TCF7: variants seen among roughly 807,000 people sequenced by gnomAD.
The protein encoded by TCF7 is transcription factor 7, also known as T-cell-factor-7.
TCF7 carries 19 observed loss-of-function variants against 46.8 expected under a neutral mutation model. The observed-to-expected ratio is 0.41, with a 90% CI of 0.28 to 0.60. The LOEUF (loss-of-function observed/expected upper bound fraction) is 0.60. Ranked by LOEUF, TCF7 falls within the 20% of genes least tolerant of loss-of-function variation. The pLI is 0.35. For missense variants in TCF7, 547 were observed against 504.6 expected, an observed-to-expected ratio of 1.08 and a Z score of -0.81; for synonymous variants, 245 against 213.4, an observed-to-expected ratio of 1.15 and a Z score of -1.29.
intron 9 of TCF7, chr5:134,145,015 T>C (rs1052282772): frequency 9.8e-6 from 7 of 712,012 alleles, no homozygotes; most frequent in Admixed American, 8.5e-5. Context: ...CTCCTGAGAA[T>C]AGTAGTAAAT....
At chr5:134,129,731 T>C (rs372854072) in intron 3 of TCF7, among the ~76,000 whole-genome samples, 3 of 152,174 alleles carry the variant, frequency 2.0e-5, no homozygotes, top group African/African-American at 7.2e-5. Flanking sequence ...TCGGGCCGGG[T>C]TGGGCCTAGA....
intron 5 of TCF7, among the ~76,000 whole-genome samples, chr5:134,140,301 A>G (rs1402293992): frequency 6.6e-6 from 1 of 152,196 alleles, no homozygotes; most frequent in African/African-American, 2.4e-5. Flanking sequence ...AACCCAGGCA[A>G]AAAACCAGAC....
chr5:134,143,257 A>G lies in TCF7; in HGVS notation c.1026+157A>G, dbSNP rs762472991. On this transcript the variant is annotated intron_variant, in intron 8 of 9. Coordinates refer to ENST00000342854, the MANE Select transcript of TCF7 (RefSeq NM_003202.5). ...CAAGGCCTCCCATGGCTGCCTCAGA[A>G]GAGGACAAGCCCACATCCTATTCTC... is the stretch of plus-strand genomic sequence containing the variant. The G allele has an allele frequency of 6.2e-6, 5 of 801,476 alleles. No individual in the cohort carries two copies. The East Asian group carries it at 1.2e-4, about 20-fold the overall frequency. The allele number at this position is 801,476 out of a possible 1,614,324, so 49.6% of individuals were successfully genotyped here.
intron 5 of TCF7, chr5:134,140,501 GC>G: frequency 4.1e-6 from 1 of 241,992 alleles, no homozygotes; most frequent in Non-Finnish European, 8.2e-6. Flanking sequence ...GGCTGCAATG[GC>G]CCCAGGACAG....
At chr5:134,137,958 A>G (rs1759142469) in intron 3 of TCF7, 101 bp from the exon 4 acceptor site, 1 of 1,008,446 alleles carries the variant, frequency 9.9e-7, no homozygotes. Context: ...GGTTTTGGCC[A>G]CCACTTTTCT....
At chr5:134,146,106 T>G in intron 9 of TCF7, 118 bp from the exon 10 acceptor site, 1 of 1,605,156 alleles carries the variant, frequency 6.2e-7, no homozygotes, top group Non-Finnish European at 8.5e-7. Flanking sequence ...ACCACCCAAG[T>G]CCCAGGAAGA....
At position 134,146,369 on chromosome 5, in the gene TCF7, G is replaced by A; in HGVS notation, c.*66G>A. Reference sequence around the variant, plus strand: ...CCATCTGCTGCCCCGCTTCCCCACAGAACTGCTTACTAGCCCTGCGGAGCC... The same window carrying A: ...CCATCTGCTGCCCCGCTTCCCCACAAAACTGCTTACTAGCCCTGCGGAGCC... On this transcript the variant is annotated 3_prime_UTR_variant, in exon 10 of 10. Coordinates refer to ENST00000342854, the MANE Select transcript of TCF7 (RefSeq NM_003202.5). 1 of 1,587,390 alleles carries A rather than the reference G, an allele frequency of 6.3e-7. No individual in the cohort carries two copies. The highest frequency in any genetic ancestry group is 8.7e-7 in the Non-Finnish European group (1 of 1,155,666).
At chr5:134,111,632 A>C (rs1460235956), upstream of TCF7, among the ~76,000 whole-genome samples, 1 of 151,984 alleles carries the variant, frequency 6.6e-6, no homozygotes, top group African/African-American at 2.4e-5. Flanking sequence ...ACAGACCACC[A>C]AGATGATTCC....
At chr5:134,135,261 C>T (rs1758699283) in intron 3 of TCF7, among the ~76,000 whole-genome samples, 1 of 152,162 alleles carries the variant, frequency 6.6e-6, no homozygotes, top group African/African-American at 2.4e-5. Flanking sequence ...GCGCCCAGCC[C>T]ACAGAGAATT....
Position 134,135,617 on chromosome 5 carries a change from A to G in TCF7, c.442-2442A>G, listed in dbSNP as rs1315471978. On this transcript the variant is annotated intron_variant, in intron 3 of 9. Coordinates refer to ENST00000342854, the MANE Select transcript of TCF7 (RefSeq NM_003202.5). ...GGATGGAGTTACCATTAACTGGGTA[A>G]GAAGACAGGGAGGAGCGTTTGGGGC... Among the ~76,000 whole-genome samples the G allele has an allele frequency of 2.0e-5, 3 of 152,346 alleles. No individual in the cohort carries two copies. The East Asian group carries it at 5.8e-4, about 29-fold the overall frequency.
At chr5:134,129,916 C>T (rs1157366723) in intron 3 of TCF7, among the ~76,000 whole-genome samples, 1 of 152,246 alleles carries the variant, frequency 6.6e-6, no homozygotes, top group East Asian at 1.9e-4. Context: ...ACTGAAGCCT[C>T]TTGGTCCAGG....
At chr5:134,126,493 C>T (rs1757360291) in intron 3 of TCF7, among the ~76,000 whole-genome samples, 1 of 152,248 alleles carries the variant, frequency 6.6e-6, no homozygotes, top group Non-Finnish European at 1.5e-5. Context: ...GCCTGGCACA[C>T]AGTAGGTGCT....
At position 134,128,405 on chromosome 5, in the gene TCF7, C is replaced by G. The variant is rs561009510; in HGVS notation, c.442-9654C>G. Among the ~76,000 whole-genome samples the G allele has an allele frequency of 9.1e-4, 139 of 152,114 alleles. 1 individual carries two copies. The highest frequency in any genetic ancestry group is 1.7e-3 in the Non-Finnish European group (113 of 67,998). On this transcript the variant is annotated intron_variant, in intron 3 of 9. Transcript: ENST00000342854. Reference sequence around the variant, plus strand: ...GCAGCAGCACCCCAGGGCCTGGTGCCTCCAGGAGCTCCTTTCCACGCCTTG... The same window carrying G: ...GCAGCAGCACCCCAGGGCCTGGTGCGTCCAGGAGCTCCTTTCCACGCCTTG...
In TCF7 at chr5:134,138,155, C is replaced by G. The variant is rs770920272; in HGVS notation, c.538C>G (p.Gln180Glu). 1.1e-5 allele frequency: 18 copies of G among 1,613,450 alleles called. No homozygotes were observed. In the South Asian group the frequency reaches 2.0e-4, roughly 18 times the overall value. ...HPTPAPADIS[Q>E]KQVHRPLQTP... ...CACCCCTGCACCTGCGGACATCAGC[C>G]AGAAGCAAGGTACAAGCCTGGGATG... is the stretch of plus-strand genomic sequence containing the variant. The change falls in exon 4 of 10, where the codon CAG becomes GAG. Residue 180 changes from glutamine (Q) to glutamate (E), a missense_variant. Gln to Glu is a conservative substitution (Grantham distance 29). Transcript: ENST00000342854.
chr5:134,113,319 G>T (rs1468078464), upstream of TCF7, among the ~76,000 whole-genome samples: 1 of 152,244 alleles, frequency 6.6e-6, no homozygotes, highest in Admixed American at 6.5e-5. Flanking sequence ...GGCGGGGGAG[G>T]GGGGTGTGGG....
intron 3 of TCF7, among the ~76,000 whole-genome samples, chr5:134,135,505 T>C (rs1212039412): frequency 6.6e-6 from 1 of 152,068 alleles, no homozygotes; most frequent in Non-Finnish European, 1.5e-5. Context: ...AGGTAGAGCA[T>C]TAGGATTTGC....
chr5:134,135,471 G>T (rs557451079), intron 3 of TCF7, among the ~76,000 whole-genome samples: 1 of 152,266 alleles, frequency 6.6e-6, no homozygotes, highest in South Asian at 2.1e-4. Flanking sequence ...AGGAGGAAGT[G>T]GTGGGATTCT....
chr5:134,120,402 C>G (rs1032540788), intron 3 of TCF7, among the ~76,000 whole-genome samples: 2 of 152,184 alleles, frequency 1.3e-5, no homozygotes, highest in African/African-American at 4.8e-5. Context: ...GCATCAGCTT[C>G]CCATTGCTCT....
intron 9 of TCF7, chr5:134,145,686 A>G: frequency 6.3e-7 from 1 of 1,590,264 alleles, no homozygotes; most frequent in Non-Finnish European, 8.6e-7. Flanking sequence ...ATACATATGC[A>G]CGGTGGGAAA....
Sources: allele counts gnomAD v4.1 joint callset (sites outside exome capture counted in the v4.1 genomes callset), GRCh38; gene constraint gnomAD v4.1.1; transcripts MANE v1.5; gene names NCBI Gene and HGNC (gene_info 2026-07-23, HGNC 2026-07-21).